DIAPH2: variants seen among roughly 807,000 people sequenced by gnomAD.
DIAPH2 encodes the protein diaphanous related formin 2, also known as protein diaphanous homolog 2.
Under a neutral mutation model 92.7 loss-of-function variants are expected in DIAPH2, and 35 were observed. That is an observed-to-expected ratio of 0.38 (90% confidence interval 0.29 to 0.50). The LOEUF (loss-of-function observed/expected upper bound fraction) is 0.50, where lower values mean the gene tolerates loss of function less well. Among genes scored for constraint, DIAPH2 ranks in the 20% least tolerant of loss-of-function variants. DIAPH2 has a pLI of 0.94. For synonymous variants in DIAPH2, 301 were observed against 280.4 expected (o/e 1.07, Z -0.73); for missense variants, 701 against 819.5 (o/e 0.86, Z 1.77).
At chrX:96,834,014 T>C (rs2064872611) in intron 4 of DIAPH2, among the ~76,000 whole-genome samples, 1 of 111,707 alleles carries the variant, frequency 9.0e-6, no homozygotes, top group Non-Finnish European at 1.9e-5. Context: ...ATTTTGTATC[T>C]CACATTCTTG....
chrX:97,511,992 A>C lies in DIAPH2; in HGVS notation c.3241+82247A>C, dbSNP rs1308209035. ...TCTCTTTTTTGGTTGTGTCTCTGCC[A>C]GGCTTTGGTATCAGGACGATGCTGG... On this transcript the variant is annotated intron_variant, in intron 26 of 26. Transcript: ENST00000324765. Among the ~76,000 whole-genome samples, 7 of 113,591 alleles carry C rather than the reference A, an allele frequency of 6.2e-5. 1 individual carries two copies. Among genetic ancestry groups the C allele is most frequent in the African/African-American group, 2.3e-4 (7 of 30,882 alleles).
chrX:96,783,847 C>G (rs1048974310), intron 4 of DIAPH2, among the ~76,000 whole-genome samples: 1 of 112,170 alleles, frequency 8.9e-6, no homozygotes, highest in Non-Finnish European at 1.9e-5. Context: ...GAATGTAGAA[C>G]CTGTAACACA....
intron 4 of DIAPH2, among the ~76,000 whole-genome samples, chrX:96,812,696 G>A (rs2064694569): frequency 8.9e-6 from 1 of 111,928 alleles, no homozygotes; most frequent in South Asian, 3.7e-4. Context: ...CATTAAATGT[G>A]TCATAGAGAT....
chrX:97,042,857 T>C (rs770464663), intron 17 of DIAPH2, among the ~76,000 whole-genome samples: 1 of 112,152 alleles, frequency 8.9e-6, no homozygotes, highest in East Asian at 2.8e-4. Flanking sequence ...TTTAAGTAAG[T>C]ATGAAATCCA....
At chrX:97,421,201 G>A (rs1054585178) in intron 25 of DIAPH2, among the ~76,000 whole-genome samples, 1 of 111,844 alleles carries the variant, frequency 8.9e-6, no homozygotes, top group African/African-American at 3.2e-5. Context: ...TACTCTTACT[G>A]ATAGATATTA....
chrX:97,338,454 A>C (rs931959645), intron 23 of DIAPH2, among the ~76,000 whole-genome samples: 7 of 112,236 alleles, frequency 6.2e-5, no homozygotes. Context: ...TTTTAGCATT[A>C]AGAGGAATCT....
At chrX:97,111,227 G>T (rs748281544) in intron 20 of DIAPH2, among the ~76,000 whole-genome samples, 1 of 111,859 alleles carries the variant, frequency 8.9e-6, no homozygotes, top group East Asian at 2.8e-4. Flanking sequence ...CGCTTTACAG[G>T]AATTTCTCCC....
intron 23 of DIAPH2, among the ~76,000 whole-genome samples, chrX:97,346,313 C>A (rs761531950): frequency 9.0e-6 from 1 of 110,681 alleles, no homozygotes; most frequent in Non-Finnish European, 1.9e-5. Context: ...ACAGAAAATT[C>A]TCTCTAGAGC....
intron 5 of DIAPH2, among the ~76,000 whole-genome samples, chrX:96,897,076 G>A (rs2065349836): frequency 9.0e-6 from 1 of 111,645 alleles, no homozygotes; most frequent in African/African-American, 3.2e-5. Flanking sequence ...TAAACAGAAG[G>A]TGTAAGTTCA....
At chrX:97,030,039 A>G (rs1440002213) in intron 17 of DIAPH2, among the ~76,000 whole-genome samples, 1 of 111,621 alleles carries the variant, frequency 9.0e-6, no homozygotes, top group African/African-American at 3.3e-5. Flanking sequence ...ACCTTCTCTG[A>G]TGGTTTCATA....
intron 5 of DIAPH2, among the ~76,000 whole-genome samples, chrX:96,901,532 G>GTTTTTTTTTTTTTTTTTTTTTTTT (rs369526046): frequency 6.0e-5 from 2 of 33,082 alleles, no homozygotes; most frequent in African/African-American, 1.0e-4. Flanking sequence ...TTTTCTTTCT[G>GTTTTTTTTTTTTTTTTTTTTTTTT]TTTTTTTTTT....
At chrX:96,714,883 G>A (rs1347987489) in intron 1 of DIAPH2, among the ~76,000 whole-genome samples, 1 of 111,639 alleles carries the variant, frequency 9.0e-6, no homozygotes, top group Non-Finnish European at 1.9e-5. Context: ...CATATCAGAA[G>A]AGACTAGACA....
chrX:97,448,321 G>C (rs760516505), intron 26 of DIAPH2, among the ~76,000 whole-genome samples: 32 of 112,092 alleles, frequency 2.9e-4, no homozygotes, highest in Non-Finnish European at 5.8e-4. Flanking sequence ...TCAAGATTTT[G>C]TAACAGGAAA....
chrX:97,303,719 C>G (rs193218895), intron 23 of DIAPH2, among the ~76,000 whole-genome samples: 1 of 111,826 alleles, frequency 8.9e-6, no homozygotes, highest in Admixed American at 9.6e-5. Context: ...ACAAACAGAT[C>G]TATTTTCTGC....
intron 26 of DIAPH2, among the ~76,000 whole-genome samples, chrX:97,435,037 C>T (rs2070167807): frequency 9.0e-6 from 1 of 110,993 alleles, no homozygotes; most frequent in Non-Finnish European, 1.9e-5. Context: ...ACATTATTGT[C>T]CTAGAAACAA....
chrX:97,237,197 A>G (rs2068055120), intron 22 of DIAPH2, among the ~76,000 whole-genome samples: 1 of 111,923 alleles, frequency 8.9e-6, no homozygotes, highest in Admixed American at 9.5e-5. Flanking sequence ...CCATGATTTT[A>G]CTAATTTATT....
chrX:97,215,882 CTTTG>C (rs1423805250), intron 22 of DIAPH2, among the ~76,000 whole-genome samples: 1 of 112,028 alleles, frequency 8.9e-6, no homozygotes. Context: ...CTTTAAAATG[CTTTG>C]TTTCTAAAGA....
intron 4 of DIAPH2, among the ~76,000 whole-genome samples, chrX:96,780,774 G>T (rs1226216475): frequency 9.4e-6 from 1 of 106,362 alleles, no homozygotes; most frequent in Non-Finnish European, 1.9e-5. Context: ...GAGCCACCAT[G>T]CCCTGTCGAG....
chrX:97,242,494 T>A (rs2068104452), intron 22 of DIAPH2, among the ~76,000 whole-genome samples: 1 of 109,177 alleles, frequency 9.2e-6, no homozygotes, highest in South Asian at 4.0e-4. Flanking sequence ...CTCCCGAGTA[T>A]CTGGGATTAC....
Sources: gnomAD v4.1 joint callset for allele counts (sites outside exome capture counted in the v4.1 genomes callset) on GRCh38, gnomAD v4.1.1 for gene constraint, MANE v1.5 for transcripts, NCBI Gene and HGNC (gene_info 2026-07-23, HGNC 2026-07-21) for gene names.